ABCC1: variants seen among roughly 807,000 people sequenced by gnomAD.
ABCC1 encodes multidrug resistance-associated protein 1.
In ABCC1, 83 loss-of-function variants were observed where a neutral mutation model predicts 172.9. The observed-to-expected ratio is 0.48, with a 90% CI of 0.40 to 0.58. The LOEUF (loss-of-function observed/expected upper bound fraction) is 0.58. ABCC1 is among the 20% of genes least tolerant of loss of function. ABCC1 has a pLI of 0.00. For synonymous variants in ABCC1, 937 were observed against 825.2 expected, an observed-to-expected ratio of 1.14 and a Z score of -2.32; for missense variants, 1,817 against 2,002.7, an observed-to-expected ratio of 0.91 and a Z score of 1.77.
intron 13 of ABCC1, among the ~76,000 whole-genome samples, chr16:16,068,617 A>T (rs1292051451): frequency 6.6e-6 from 1 of 152,048 alleles, no homozygotes; most frequent in Non-Finnish European, 1.5e-5. Context: ...TCCTTTTTTT[A>T]AAAAACGTAG....
At position 16,009,713 on chromosome 16, in the gene ABCC1, T is replaced by C. The variant is rs1036686343; in HGVS notation, c.226-63T>C. On this transcript the variant is annotated intron_variant, in intron 2 of 30. Transcript: ENST00000399410. ...CCTATCCCTGGGGCTGAGCTGTTCG[T>C]GCAGGCCCTGGGGGAGGTTCCAGGG... 7.4e-6 allele frequency: 11 copies of C among 1,489,718 alleles called. No homozygotes were observed. The Admixed American group carries it at 2.0e-4, about 27-fold the overall frequency. The allele number at this position is 1,489,718 out of a possible 1,614,324, so 92.3% of individuals were successfully genotyped here. A position where few individuals can be genotyped will look rare whatever the true frequency, so the allele number is the denominator to read the frequency against.
chr16:16,090,648 T>C, intron 19 of ABCC1, 60 bp downstream of exon 19: 1 of 1,476,816 alleles, frequency 6.8e-7, no homozygotes, highest in Non-Finnish European at 9.0e-7. Flanking sequence ...AGGGCCACAT[T>C]GGCCTCTTTG....
chr16:15,949,961 G>T (rs996249913), intron 1 of ABCC1, among the ~76,000 whole-genome samples, 162 bp downstream of exon 1: 12 of 152,096 alleles, frequency 7.9e-5, no homozygotes, highest in African/African-American at 2.9e-4. Context: ...CCTTTCGGGG[G>T]TGCAAGGCAT....
At chr16:15,955,936 T>G (rs76323189) in intron 1 of ABCC1, among the ~76,000 whole-genome samples, 7,162 of 152,114 alleles carry the variant, frequency 0.047, 228 homozygotes, top group Middle Eastern at 0.082. Context: ...GGGTTAGGAG[T>G]GCTGATGCCC....
chr16:15,976,696 G>A (rs951739361), intron 1 of ABCC1, among the ~76,000 whole-genome samples: 2 of 152,180 alleles, frequency 1.3e-5, no homozygotes, highest in East Asian at 3.8e-4. Flanking sequence ...TACTCCAACA[G>A]TGATGATGAC....
chr16:16,077,710 C>T (rs374206933), intron 15 of ABCC1, among the ~76,000 whole-genome samples: 1 of 152,212 alleles, frequency 6.6e-6, no homozygotes, highest in South Asian at 2.1e-4. Context: ...ACAGCAACGA[C>T]TATCAGCATT....
At chr16:15,984,637 G>A (rs1458475576) in intron 1 of ABCC1, among the ~76,000 whole-genome samples, 1 of 151,814 alleles carries the variant, frequency 6.6e-6, no homozygotes, top group South Asian at 2.1e-4. Context: ...GTAGAGATTG[G>A]GTTTCACCAC....
At chr16:16,030,320 G>A (rs1159551935) in intron 5 of ABCC1, among the ~76,000 whole-genome samples, 2 of 152,060 alleles carry the variant, frequency 1.3e-5, no homozygotes, top group African/African-American at 2.4e-5. Flanking sequence ...TCAGGAGTTC[G>A]AGACCAGCCT....
Position 16,083,407 on chromosome 16 carries a change from T to C in ABCC1, c.2157T>C (p.Asn719=), listed in dbSNP as rs1427135529. 2.5e-6 allele frequency: 4 copies of C among 1,613,758 alleles called. No individual in the cohort carries two copies. Among genetic ancestry groups the C allele is most frequent in the Non-Finnish European group, 3.4e-6 (4 of 1,180,050 alleles). The stretch of plus-strand genomic sequence containing the variant: ...TGCCACAGCAGGCCTGGATTCAGAA[T>C]GATTCTCTCCGAGAAAACATCCTTT... The part of the protein sequence containing the change: ...AYVPQQAWIQ[N]DSLRENILFG... The change falls in exon 17 of 31, where the codon AAT becomes AAC. Residue 719 remains asparagine, a synonymous_variant. Transcript: ENST00000399410.
chr16:16,016,651 C>CGT (rs749067342), intron 5 of ABCC1, 30 bp downstream of exon 5: 60 of 1,612,056 alleles, frequency 3.7e-5, no homozygotes, highest in East Asian at 6.7e-5. Context: ...AGTGTGTGTG[C>CGT]GTGTGTGTGT....
At chr16:16,114,237 CAG>C (rs2044744407) in intron 22 of ABCC1, among the ~76,000 whole-genome samples, 1 of 152,168 alleles carries the variant, frequency 6.6e-6, no homozygotes, top group Admixed American at 6.5e-5. Context: ...AGAAGTTATT[CAG>C]AGTCATCATA....
At chr16:16,106,222 G>A (rs527494458) in intron 20 of ABCC1, among the ~76,000 whole-genome samples, 8 of 152,018 alleles carry the variant, frequency 5.3e-5, no homozygotes, top group Non-Finnish European at 1.0e-4. Context: ...GAGCAGTCAG[G>A]CAAGATCCCA....
intron 14 of ABCC1, among the ~76,000 whole-genome samples, chr16:16,072,495 T>C (rs1208925137): frequency 1.3e-5 from 2 of 150,724 alleles, no homozygotes; most frequent in Non-Finnish European, 3.0e-5. Flanking sequence ...TTTTTTTTTT[T>C]TTCAATATTA....
At chr16:15,954,970 C>A (rs147684669) in intron 1 of ABCC1, among the ~76,000 whole-genome samples, 5 of 152,156 alleles carry the variant, frequency 3.3e-5, no homozygotes, top group African/African-American at 1.2e-4. Context: ...GTCAGCAAAT[C>A]GTGTTGCCCG....
At chr16:16,038,086 A>G (rs928531323) in intron 7 of ABCC1, among the ~76,000 whole-genome samples, 1 of 151,010 alleles carries the variant, frequency 6.6e-6, no homozygotes, top group African/African-American at 2.5e-5. Flanking sequence ...GATGGATGAT[A>G]GATTGATAGA....
In ABCC1 at chr16:16,033,061, A is replaced by G. The variant is rs766888604; in HGVS notation, c.616-48A>G. On this transcript the variant is annotated intron_variant, in intron 5 of 30. Coordinates refer to ENST00000399410, the MANE Select transcript of ABCC1 (RefSeq NM_004996.4). ...AGCTCTGACCTGGATGAAAAGTCAA[A>G]TCATTCCTTTCCCTCTTCCTCCCAA... 6 of 1,582,568 alleles carry G rather than the reference A, an allele frequency of 3.8e-6. No homozygotes were observed. The East Asian group carries it at 9.0e-5, about 24-fold the overall frequency.
chr16:15,967,708 T>TA (rs1800348242), intron 1 of ABCC1, among the ~76,000 whole-genome samples: 2 of 149,070 alleles, frequency 1.3e-5, no homozygotes, highest in African/African-American at 5.0e-5. Flanking sequence ...TGCAGTGAGC[T>TA]ATGATTGCAC....
chr16:16,060,509 G>A (rs753134462), intron 12 of ABCC1, among the ~76,000 whole-genome samples: 19 of 151,916 alleles, frequency 1.3e-4, no homozygotes, highest in Non-Finnish European at 2.1e-4. Context: ...ACCGGGGTGC[G>A]TTGATGAACT....
intron 2 of ABCC1, 96 bp from the exon 3 acceptor site, chr16:16,009,680 C>T (rs535280658): frequency 1.5e-6 from 2 of 1,310,234 alleles, no homozygotes; most frequent in Non-Finnish European, 2.1e-6. Flanking sequence ...TGAAGGCTGG[C>T]TGGTTCTCCT....
Sources: allele counts gnomAD v4.1 joint callset (sites outside exome capture counted in the v4.1 genomes callset), GRCh38; gene constraint gnomAD v4.1.1; transcripts MANE v1.5; gene names NCBI Gene and HGNC (gene_info 2026-07-23, HGNC 2026-07-21).